Variants in TBC1D8 observed in about 807,000 individuals in gnomAD.
TBC1D8 encodes TBC1 domain family member 8, also known as BUB2-like protein 1.
Under a neutral mutation model 118.8 loss-of-function variants are expected in TBC1D8, and 65 were observed. The ratio of observed to expected loss-of-function variants is 0.55; its 90% CI spans 0.45 to 0.67. The LOEUF is 0.67. Ranked by LOEUF, TBC1D8 falls within the 30% of genes least tolerant of loss-of-function variation. TBC1D8 has a pLI of 0.00. For missense variants in TBC1D8, 1,376 were observed against 1,471.2 expected, an observed-to-expected ratio of 0.94 and a Z score of 1.06; for synonymous variants, 566 against 595.8, an observed-to-expected ratio of 0.95 and a Z score of 0.73.
In TBC1D8 at chr2:101,011,543, TAAAA is replaced by T. The variant is rs1228548024; in HGVS notation, c.2828-7_2828-4del. 5.6e-6 allele frequency: 9 copies of T among 1,613,600 alleles called. No individual in the cohort carries two copies. The African/African-American group carries it at 9.4e-5, about 17-fold the overall frequency. The stretch of plus-strand genomic sequence containing the variant: ...GTCTCGGTCATTTTCAGTGAGTGCT[TAAAA>T]AAAGATGAGAGGTTTAAATTAAACA... On this transcript the variant is annotated splice_region_variant and splice_polypyrimidine_tract_variant and intron_variant, in intron 17 of 19. Transcript: ENST00000409318.
chr2:101,113,447 T>G (rs898904376), intron 1 of TBC1D8, among the ~76,000 whole-genome samples: 4 of 152,124 alleles, frequency 2.6e-5, no homozygotes, highest in Non-Finnish European at 5.9e-5. Context: ...CTAAGATTTC[T>G]TGTTTCATGA....
At chr2:101,037,794 T>C (rs1438232358) in intron 7 of TBC1D8, 86 bp from the exon 8 acceptor site, 12 of 1,548,608 alleles carry the variant, frequency 7.7e-6, no homozygotes, top group Non-Finnish European at 9.7e-6. Flanking sequence ...TTGTTTTGCC[T>C]TTGGATGCAC....
At chr2:101,117,469 T>C (rs781221501) in intron 1 of TBC1D8, among the ~76,000 whole-genome samples, 37 of 152,148 alleles carry the variant, frequency 2.4e-4, no homozygotes, top group Admixed American at 5.9e-4. Context: ...ACTTTACCTA[T>C]TCCCCTGACC....
At chr2:101,024,874 G>A (rs114484945) in intron 15 of TBC1D8, among the ~76,000 whole-genome samples, 39 of 152,196 alleles carry the variant, frequency 2.6e-4, no homozygotes, top group Non-Finnish European at 4.4e-4. Context: ...AGCAACGACC[G>A]GAAGCAACAC....
intron 3 of TBC1D8, among the ~76,000 whole-genome samples, chr2:101,056,998 C>T (rs566582115): frequency 6.6e-6 from 1 of 152,314 alleles, no homozygotes; most frequent in Non-Finnish European, 1.5e-5. Context: ...AGGCAGGCCC[C>T]TCACTCCCCA....
chr2:101,144,489 G>A (rs1679242361), intron 1 of TBC1D8, among the ~76,000 whole-genome samples: 1 of 152,164 alleles, frequency 6.6e-6, no homozygotes, highest in Non-Finnish European at 1.5e-5. Flanking sequence ...GGGAAGAGAG[G>A]CAACCCAAGA....
intron 1 of TBC1D8, 31 bp from the exon 2 acceptor site, chr2:101,090,395 G>C: frequency 6.2e-7 from 1 of 1,612,374 alleles, no homozygotes; most frequent in Non-Finnish European, 8.5e-7. Flanking sequence ...AAGTGCACCT[G>C]TGAGCATGGG....
chr2:101,069,697 G>A (rs1683205185), intron 2 of TBC1D8, among the ~76,000 whole-genome samples: 4 of 152,068 alleles, frequency 2.6e-5, no homozygotes, highest in Admixed American at 6.6e-5. Context: ...ATATAAAAAT[G>A]CCCAAGATTG....
intron 19 of TBC1D8, among the ~76,000 whole-genome samples, chr2:101,008,848 T>G (rs941140061): frequency 7.2e-5 from 11 of 152,008 alleles, no homozygotes; most frequent in African/African-American, 2.7e-4. Context: ...ACGTACAGAT[T>G]TATCTGTAGG....
rs975295942 is a variant in TBC1D8 at position 101,018,728 on chromosome 2, G to T, written c.2827+2953C>A. Among the ~76,000 whole-genome samples the T allele has an allele frequency of 2.6e-5, 4 of 152,268 alleles. No homozygotes were observed. The South Asian group carries it at 8.3e-4, about 32-fold the overall frequency. On this transcript the variant is annotated intron_variant, in intron 17 of 19. Coordinates refer to ENST00000409318, the MANE Select transcript of TBC1D8 (RefSeq NM_001330348.2). ...GGTTTGCTCAGTATACAAACTTACA[G>T]AAAAACCTCCAAATTGTCTCATTTG...
At chr2:101,053,669 G>A (rs1407802150) in intron 4 of TBC1D8, among the ~76,000 whole-genome samples, 1 of 152,168 alleles carries the variant, frequency 6.6e-6, no homozygotes, top group Non-Finnish European at 1.5e-5. Flanking sequence ...TGAATCTCAA[G>A]GAAATAGTGA....
intron 2 of TBC1D8, among the ~76,000 whole-genome samples, chr2:101,067,377 G>C (rs1379894265): frequency 1.3e-5 from 2 of 152,206 alleles, no homozygotes; most frequent in Non-Finnish European, 2.9e-5. Context: ...AGTTTTCACA[G>C]ACTGTCGTGG....
chr2:101,132,426 C>T (rs1219516153), intron 1 of TBC1D8, among the ~76,000 whole-genome samples: 1 of 152,168 alleles, frequency 6.6e-6, no homozygotes, highest in Non-Finnish European at 1.5e-5. Context: ...ATAGCACCTG[C>T]TCCCTTCAGT....
intron 1 of TBC1D8, among the ~76,000 whole-genome samples, chr2:101,134,460 C>A (rs1027099130): frequency 6.6e-6 from 1 of 152,222 alleles, no homozygotes; most frequent in African/African-American, 2.4e-5. Flanking sequence ...ATACCACAGA[C>A]TGAGTGGCTT....
chr2:101,077,706 T>G (rs1035802954), intron 2 of TBC1D8, among the ~76,000 whole-genome samples: 17 of 152,106 alleles, frequency 1.1e-4, no homozygotes, highest in Admixed American at 1.0e-3. Flanking sequence ...GGACATTACA[T>G]TTCAATATGA....
intron 1 of TBC1D8, among the ~76,000 whole-genome samples, chr2:101,140,324 TTTAAAACATTTC>T (rs1216558707): frequency 2.6e-5 from 4 of 152,206 alleles, no homozygotes; most frequent in Non-Finnish European, 4.4e-5. Flanking sequence ...ATTTCTGAAA[TTTAAAACATTTC>T]TGAAAACAGT....
chr2:101,109,285 G>A (rs1677425881), intron 1 of TBC1D8, among the ~76,000 whole-genome samples: 1 of 152,186 alleles, frequency 6.6e-6, no homozygotes. Context: ...CAACTCTGCA[G>A]ACAAGGGGAA....
intron 3 of TBC1D8, among the ~76,000 whole-genome samples, chr2:101,059,204 G>A (rs1371603646): frequency 1.5e-5 from 2 of 131,110 alleles, no homozygotes; most frequent in African/African-American, 5.5e-5. Context: ...ACCGTGCCCA[G>A]CCAAGTCTTT....
At chr2:101,017,331 C>T (rs1272757977) in intron 17 of TBC1D8, among the ~76,000 whole-genome samples, 1 of 152,084 alleles carries the variant, frequency 6.6e-6, no homozygotes, top group Non-Finnish European at 1.5e-5. Context: ...ATAGTAATTA[C>T]ATAAACCAAT....
Sources: allele counts gnomAD v4.1 joint callset (sites outside exome capture counted in the v4.1 genomes callset), GRCh38; gene constraint gnomAD v4.1.1; transcripts MANE v1.5; gene names NCBI Gene and HGNC (gene_info 2026-07-23, HGNC 2026-07-21).